Variants in AGMO observed in about 807,000 individuals in gnomAD.
AGMO encodes the protein glyceryl-ether monooxygenase.
A neutral mutation model predicts 60.2 loss-of-function variants in AGMO; 75 were observed. The ratio of observed to expected loss-of-function variants is 1.25; its 90% confidence interval spans 1.03 to 1.51. The LOEUF (loss-of-function observed/expected upper bound fraction) is 1.51, where lower values mean the gene tolerates loss of function less well. AGMO is among the 40% of genes most tolerant of loss of function. The pLI is 0.00. For synonymous variants in AGMO, 261 were observed against 177.1 expected, an observed-to-expected ratio of 1.47 and a Z score of -3.76; for missense variants, 763 against 525.5, an observed-to-expected ratio of 1.45 and a Z score of -4.42.
chr7:15,240,227 G>A (rs182990427), intron 12 of AGMO, among the ~76,000 whole-genome samples: 2 of 152,156 alleles, frequency 1.3e-5, no homozygotes, highest in African/African-American at 2.4e-5. Context: ...AATACAGGAC[G>A]ACAAGTTAAG....
intron 12 of AGMO, among the ~76,000 whole-genome samples, chr7:15,215,053 A>G (rs1781696596): frequency 6.6e-6 from 1 of 152,110 alleles, no homozygotes; most frequent in Non-Finnish European, 1.5e-5. Context: ...AACACATGTA[A>G]TATATCAAGA....
At chr7:15,354,427 C>A (rs1464072240) in intron 12 of AGMO, among the ~76,000 whole-genome samples, 1 of 24,044 alleles carries the variant, frequency 4.2e-5, no homozygotes, top group Admixed American at 4.4e-4. Flanking sequence ...TGTATACACA[C>A]ACGTGTGTGT....
chr7:15,438,258 GTAA>G (rs1781455656), intron 3 of AGMO, among the ~76,000 whole-genome samples: 1 of 151,458 alleles, frequency 6.6e-6, no homozygotes, highest in Non-Finnish European at 1.5e-5. Flanking sequence ...AATATTATTA[GTAA>G]TAATAATAAA....
chr7:15,547,444 A>G (rs1583673701), intron 2 of AGMO, among the ~76,000 whole-genome samples: 1 of 152,034 alleles, frequency 6.6e-6, no homozygotes. Flanking sequence ...CAGTGGGCGC[A>G]GGTCAGTGGG....
chr7:15,510,244 C>A (rs2128529835), intron 3 of AGMO, among the ~76,000 whole-genome samples: 1 of 152,206 alleles, frequency 6.6e-6, no homozygotes, highest in South Asian at 2.1e-4. Flanking sequence ...TGTCTCACTG[C>A]AGCCTCCACC....
At chr7:15,366,018 C>G in intron 11 of AGMO, 122 bp downstream of exon 11, 1 of 692,764 alleles carries the variant, frequency 1.4e-6, no homozygotes, top group Non-Finnish European at 2.3e-6. Flanking sequence ...AAGTCAAATA[C>G]CAAAATTTTA....
intron 12 of AGMO, among the ~76,000 whole-genome samples, chr7:15,339,171 A>T (rs1781754765): frequency 6.6e-6 from 1 of 152,196 alleles, no homozygotes; most frequent in African/African-American, 2.4e-5. Flanking sequence ...GATGGGAGAA[A>T]GAGGGAGAAG....
At chr7:15,467,976 G>A (rs756160813) in intron 3 of AGMO, among the ~76,000 whole-genome samples, 12 of 152,028 alleles carry the variant, frequency 7.9e-5, no homozygotes, top group Non-Finnish European at 1.5e-4. Context: ...TTTGACCTCA[G>A]CAGACCTAAT....
chr7:15,355,499 T>TG (rs1436262408), intron 12 of AGMO, among the ~76,000 whole-genome samples: 2 of 88,462 alleles, frequency 2.3e-5, no homozygotes, highest in Non-Finnish European at 4.0e-5. Flanking sequence ...AGTGAGACTC[T>TG]GTCTCAAAAA....
At chr7:15,290,781 C>T (rs1258843854) in intron 12 of AGMO, among the ~76,000 whole-genome samples, 2 of 152,092 alleles carry the variant, frequency 1.3e-5, no homozygotes, top group East Asian at 1.9e-4. Flanking sequence ...CCCAAACTTT[C>T]GTGATGATTT....
chr7:15,143,579 G>A, the AGMO span, among the ~76,000 whole-genome samples: 2 of 151,922 alleles, frequency 1.3e-5, no homozygotes, highest in African/African-American at 4.8e-5. Context: ...AATATTTGGT[G>A]TTTGGTACTA....
At chr7:15,436,557 T>C (rs1297323646) in intron 3 of AGMO, among the ~76,000 whole-genome samples, 1 of 152,162 alleles carries the variant, frequency 6.6e-6, no homozygotes, top group Non-Finnish European at 1.5e-5. Context: ...ACATGAATTC[T>C]GTAGGAGACA....
intron 12 of AGMO, among the ~76,000 whole-genome samples, chr7:15,285,766 A>C (rs1402286337): frequency 6.6e-6 from 1 of 152,136 alleles, no homozygotes; most frequent in African/African-American, 2.4e-5. Flanking sequence ...TAGCTAAAGC[A>C]ATCCTAAGCA....
chr7:15,284,088 A>G (rs1784038282), intron 12 of AGMO, among the ~76,000 whole-genome samples: 1 of 152,100 alleles, frequency 6.6e-6, no homozygotes, highest in South Asian at 2.1e-4. Context: ...AATAGTGCTA[A>G]GAGAAAAGTC....
chr7:15,222,900 T>A (rs1247575717), intron 12 of AGMO, among the ~76,000 whole-genome samples: 1 of 151,670 alleles, frequency 6.6e-6, no homozygotes, highest in African/African-American at 2.4e-5. Context: ...CAATGAAACG[T>A]AGTTAACATT....
Position 15,354,394 on chromosome 7 carries a change from ACACGTGTGTG to A in AGMO, c.1263+11110_1263+11119del, listed in dbSNP as rs1563105201. Among the ~76,000 whole-genome samples, 265 of 49,846 alleles carry A rather than the reference ACACGTGTGTG, an allele frequency of 5.3e-3. 39 individuals are homozygous for A. The highest frequency in any genetic ancestry group is 0.044 in the East Asian group (54 of 1,218). The allele number at this position is 49,846 out of a possible 152,430, so 32.7% of individuals were successfully genotyped here. On this transcript the variant is annotated intron_variant, in intron 12 of 12. Transcript: ENST00000342526. Reference sequence around the variant, plus strand: ...GACGTGTGTATACACGTGTGTGTATACACGTGTGTGTACACACGTGTGTGTATACACACAC... The same window carrying A: ...GACGTGTGTATACACGTGTGTGTATATACACACGTGTGTGTATACACACAC...
At chr7:15,322,539 TATATATAAATATATATAA>T (rs1563086221) in intron 12 of AGMO, among the ~76,000 whole-genome samples, 5 of 55,004 alleles carry the variant, frequency 9.1e-5, no homozygotes, top group Admixed American at 7.0e-4. Flanking sequence ...TATATAAATA[TATATATAAATATATATAA>T]ATATATAAAT....
intron 3 of AGMO, among the ~76,000 whole-genome samples, chr7:15,525,213 A>G (rs1583645052): frequency 6.6e-6 from 1 of 152,174 alleles, no homozygotes; most frequent in Admixed American, 6.5e-5. Context: ...CAGGAAGCAG[A>G]CAAATCCTAG....
intron 12 of AGMO, among the ~76,000 whole-genome samples, chr7:15,201,863 T>C (rs1403151257): frequency 6.6e-6 from 1 of 152,192 alleles, no homozygotes; most frequent in African/African-American, 2.4e-5. Context: ...AGTCTTTTGA[T>C]TTTATCAGGT....
Sources: gnomAD v4.1 joint callset for allele counts (sites outside exome capture counted in the v4.1 genomes callset) on GRCh38, gnomAD v4.1.1 for gene constraint, MANE v1.5 for transcripts, NCBI Gene and HGNC (gene_info 2026-07-23, HGNC 2026-07-21) for gene names.